TPX2: variants seen among roughly 807,000 people sequenced by gnomAD.
TPX2 encodes the protein targeting protein for Xklp2.
Under a neutral mutation model 93.6 loss-of-function variants are expected in TPX2, and 21 were observed. The observed-to-expected ratio is 0.22, with a 90% confidence interval of 0.16 to 0.32. The LOEUF is 0.32. TPX2 is among the 10% of genes least tolerant of loss of function. The pLI is 1.00. For synonymous variants in TPX2, 281 were observed against 298.3 expected (o/e 0.94, Z 0.60); for missense variants, 776 against 871.1 (o/e 0.89, Z 1.37).
intron 2 of TPX2, among the ~76,000 whole-genome samples, chr20:31,747,641 C>T (rs879818327): frequency 6.6e-6 from 1 of 152,090 alleles, no homozygotes; most frequent in Non-Finnish European, 1.5e-5. Context: ...AGCTATTTTT[C>T]CATGCAGAAT....
intron 11 of TPX2, among the ~76,000 whole-genome samples, chr20:31,783,225 T>G (rs2062044990): frequency 6.6e-6 from 1 of 151,962 alleles, no homozygotes; most frequent in Non-Finnish European, 1.5e-5. Flanking sequence ...ATTTATTCTT[T>G]CTTCTTTTAT....
chr20:31,787,167 CTA>C (rs1263783816), intron 12 of TPX2, among the ~76,000 whole-genome samples: 1 of 149,940 alleles, frequency 6.7e-6, no homozygotes, highest in Admixed American at 6.7e-5. Flanking sequence ...GAGGTGGAGT[CTA>C]TACTTATCCC....
intron 15 of TPX2, among the ~76,000 whole-genome samples, chr20:31,796,684 C>T (rs1045851309): frequency 1.3e-5 from 2 of 150,512 alleles, no homozygotes; most frequent in Non-Finnish European, 3.0e-5. Flanking sequence ...GATCTGGAGG[C>T]TTGATTCAAT....
intron 1 of TPX2, among the ~76,000 whole-genome samples, chr20:31,739,870 A>G (rs931791924): frequency 2.0e-5 from 3 of 152,198 alleles, no homozygotes; most frequent in African/African-American, 7.2e-5. Context: ...GATGGAGGAA[A>G]ACAGAGGTAG....
intron 17 of TPX2, among the ~76,000 whole-genome samples, chr20:31,800,533 T>A (rs2123107830): frequency 6.6e-6 from 1 of 152,346 alleles, no homozygotes; most frequent in South Asian, 2.1e-4. Context: ...GTTGTTGTGT[T>A]TTGTTTTTGC....
chr20:31,775,911 G>A lies in TPX2; in HGVS notation c.653G>A (p.Ser218Asn), dbSNP rs751220317. The A allele has an allele frequency of 1.2e-5, 19 of 1,607,012 alleles. No individual in the cohort carries two copies. In the African/African-American group the frequency reaches 2.3e-4, roughly 19 times the overall value. The change falls in exon 8 of 18, where the codon AGT (serine) becomes AAT (asparagine). Residue 218 changes from serine (S) to asparagine (N), a missense_variant. Transcript: ENST00000300403. ...ACTGAGGAGCAAGAGCTGGAGAAGA[G>A]TATGAAAATGCAGCAAGAGGTGGTG... ...KSTEEQELEK[S>N]MKMQQEVVEM...
At chr20:31,768,028 T>C (rs1272652820) in intron 5 of TPX2, among the ~76,000 whole-genome samples, 1 of 151,210 alleles carries the variant, frequency 6.6e-6, no homozygotes, top group Non-Finnish European at 1.5e-5. Context: ...ACCTCTCAGG[T>C]GTAAGCAATC....
At chr20:31,782,836 C>T (rs1014484125) in intron 11 of TPX2, among the ~76,000 whole-genome samples, 2 of 151,854 alleles carry the variant, frequency 1.3e-5, no homozygotes, top group Admixed American at 6.6e-5. Context: ...CAAGATCACG[C>T]CAATATACTC....
chr20:31,786,400 G>GT (rs369303743), intron 12 of TPX2, among the ~76,000 whole-genome samples: 5,425 of 89,248 alleles, frequency 0.061, 113 homozygotes, highest in Non-Finnish European at 0.072. Context: ...CTGAACTACT[G>GT]TTTTTTTTTT....
chr20:31,742,369 G>A (rs1459283701), intron 1 of TPX2, among the ~76,000 whole-genome samples, 172 bp from the exon 2 acceptor site: 1 of 151,956 alleles, frequency 6.6e-6, no homozygotes, highest in East Asian at 1.9e-4. Context: ...GTAGAGATGG[G>A]GTTTCACCAT....
chr20:31,791,782 G>T (rs1481194869), intron 12 of TPX2, among the ~76,000 whole-genome samples: 1 of 152,162 alleles, frequency 6.6e-6, no homozygotes, highest in Admixed American at 6.6e-5. Context: ...GCTGATGGGG[G>T]CAGGATGTGG....
intron 12 of TPX2, among the ~76,000 whole-genome samples, chr20:31,791,520 G>A (rs2062101580): frequency 6.6e-6 from 1 of 152,150 alleles, no homozygotes; most frequent in East Asian, 1.9e-4. Context: ...TCCTGACCTC[G>A]TGATCCACCC....
chr20:31,770,276 C>A, intron 5 of TPX2, 67 bp from the exon 6 acceptor site: 1 of 1,148,946 alleles, frequency 8.7e-7, no homozygotes. Context: ...TTTCACATTT[C>A]TCAGGAACAT....
chr20:31,757,462 G>C lies in TPX2; in HGVS notation c.-15G>C. On this transcript the variant is annotated 5_prime_UTR_variant, in exon 3 of 18. Transcript: ENST00000300403. ...TACTGGGAAAAACCTGCTCTTCTGC[G>C]TTAAGTGGGAGACAATGTCACAAGT... The C allele has an allele frequency of 6.2e-7, 1 of 1,608,048 alleles. No homozygotes were observed. The highest frequency in any genetic ancestry group is 1.3e-5 in the African/African-American group (1 of 74,876).
At chr20:31,753,351 C>A (rs1054346409) in intron 2 of TPX2, among the ~76,000 whole-genome samples, 18 of 152,074 alleles carry the variant, frequency 1.2e-4, no homozygotes, top group Admixed American at 1.2e-3. Context: ...TCTTCAGCTT[C>A]TAGGTTGGGA....
At chr20:31,747,744 G>A (rs1024716131) in intron 2 of TPX2, among the ~76,000 whole-genome samples, 9 of 150,162 alleles carry the variant, frequency 6.0e-5, no homozygotes, top group Non-Finnish European at 1.2e-4. Context: ...TGATTTGTTT[G>A]GGGGAATGTG....
chr20:31,766,747 G>A (rs1011451625), intron 5 of TPX2, 65 bp downstream of exon 5: 1 of 1,458,768 alleles, frequency 6.9e-7, no homozygotes. Context: ...TTACTGGACA[G>A]AACATCTATT....
Position 31,786,687 on chromosome 20 carries a change from A to C in TPX2, c.1413+2766A>C, listed in dbSNP as rs544583255. ...CCAAAGTGCTAGGATAGTAGGCGTG[A>C]GCCACTGCACCCAGCTGAACTACAT... is the stretch of plus-strand genomic sequence containing the variant. On this transcript the variant is annotated intron_variant, in intron 12 of 17. Transcript: ENST00000300403. 9.2e-5 allele frequency among the ~76,000 whole-genome samples: 14 copies of C among 152,376 alleles called. 1 individual carries two copies. The highest frequency in any genetic ancestry group is 2.9e-4 in the African/African-American group (12 of 41,588).
At chr20:31,741,917 A>G (rs2061755619) in intron 1 of TPX2, among the ~76,000 whole-genome samples, 1 of 151,756 alleles carries the variant, frequency 6.6e-6, no homozygotes, top group African/African-American at 2.4e-5. Context: ...GCCTGGCCTT[A>G]GAGAGATTTC....
Sources: allele counts gnomAD v4.1 joint callset (sites outside exome capture counted in the v4.1 genomes callset), GRCh38; gene constraint gnomAD v4.1.1; transcripts MANE v1.5; gene names NCBI Gene and HGNC (gene_info 2026-07-23, HGNC 2026-07-21).